Variants in APIP observed in about 807,000 individuals in gnomAD.
APIP encodes the protein methylthioribulose-1-phosphate dehydratase.
APIP carries 32 observed loss-of-function variants against 32.0 expected under a neutral mutation model. The ratio of observed to expected loss-of-function variants is 1.00; its 90% CI spans 0.76 to 1.34. The LOEUF (loss-of-function observed/expected upper bound fraction) is 1.34, where lower values mean the gene tolerates loss of function less well. APIP is among the 40% of genes most tolerant of loss of function. The pLI is 0.00. For missense variants in APIP, 247 were observed against 298.6 expected (o/e 0.83, Z 1.27); for synonymous variants, 92 against 94.8 (o/e 0.97, Z 0.17).
Position 34,898,785 on chromosome 11 carries a change from GGTT to G in APIP, c.58-3678_58-3676del, listed in dbSNP as rs1853325843. Among the ~76,000 whole-genome samples the G allele has an allele frequency of 1.2e-3, 106 of 92,076 alleles. 12 individuals are homozygous for G. The highest frequency in any genetic ancestry group is 2.6e-3 in the African/African-American group (60 of 22,738). 60.4% of individuals were successfully genotyped at this position (92,076 alleles called of 152,430 possible). A position where few individuals can be genotyped will look rare whatever the true frequency, so the allele number is the denominator to read the frequency against. On this transcript the variant is annotated intron_variant, in intron 1 of 6. Coordinates refer to ENST00000395787, the MANE Select transcript of APIP (RefSeq NM_015957.4). ...GCGAGCACATAGTATTTCTTTCTTTGGTTTTTTTTTTTTTTTTTTTTTTTTTTT... is the reference window on the plus strand; with the variant it reads ...GCGAGCACATAGTATTTCTTTCTTTGTTTTTTTTTTTTTTTTTTTTTTTTT...
chr11:34,894,861 C>T (rs1371039479), intron 2 of APIP, 149 bp downstream of exon 2: 1 of 679,476 alleles, frequency 1.5e-6, no homozygotes, highest in African/African-American at 1.8e-5. Flanking sequence ...CATTCAGTTA[C>T]ACAAATGTCC....
intron 3 of APIP, 39 bp from the exon 4 acceptor site, chr11:34,888,908 G>C: frequency 8.4e-7 from 1 of 1,196,848 alleles, no homozygotes; most frequent in Non-Finnish European, 1.1e-6. Flanking sequence ...AAGAAGGCTT[G>C]TAAAATATCA....
intron 1 of APIP, among the ~76,000 whole-genome samples, chr11:34,901,774 T>C (rs72930443): frequency 0.22 from 33,802 of 152,070 alleles, 4,931 homozygotes; most frequent in Non-Finnish European, 0.34. Context: ...GAAGCTAACA[T>C]TAAACTACAA....
intron 1 of APIP, among the ~76,000 whole-genome samples, chr11:34,902,530 A>C (rs1046448665): frequency 3.3e-5 from 5 of 151,850 alleles, no homozygotes; most frequent in Non-Finnish European, 7.4e-5. Context: ...AGAGAGGATT[A>C]AGCCTATTTC....
chr11:34,889,076 C>T (rs908871081), intron 3 of APIP, among the ~76,000 whole-genome samples: 3 of 151,770 alleles, frequency 2.0e-5, no homozygotes, highest in Admixed American at 6.6e-5. Context: ...TATAGTTTCT[C>T]AAAATAATTT....
At chr11:34,909,390 G>C (rs776891734) in intron 1 of APIP, among the ~76,000 whole-genome samples, 6 of 152,050 alleles carry the variant, frequency 3.9e-5, no homozygotes, top group Non-Finnish European at 7.4e-5. Flanking sequence ...ACTGTAAAAA[G>C]TGCCAAGCAG....
intron 1 of APIP, chr11:34,896,818 G>A (rs1297719580): frequency 8.5e-6 from 11 of 1,288,000 alleles, no homozygotes; most frequent in Non-Finnish European, 1.1e-5. Context: ...CAAAACTCTG[G>A]TGACCTTGAA....
intron 1 of APIP, among the ~76,000 whole-genome samples, chr11:34,896,164 A>C (rs1413447811): frequency 1.3e-5 from 2 of 152,206 alleles, no homozygotes; most frequent in Non-Finnish European, 2.9e-5. Flanking sequence ...AGTGTAAATT[A>C]GTTCAACCAT....
chr11:34,907,916 C>T lies in APIP; in HGVS notation c.57+8312G>A, dbSNP rs116940378. ...TAAGGAAATCAGCCTGGCTTGTCTC[C>T]GAGATACTACTCACAGCCAACAATG... On this transcript the variant is annotated intron_variant, in intron 1 of 6. Transcript: ENST00000395787. 2.4e-4 allele frequency among the ~76,000 whole-genome samples: 36 copies of T among 152,122 alleles called. No homozygotes were observed. The East Asian group carries it at 4.6e-3, about 20-fold the overall frequency.
At chr11:34,904,874 AAG>A (rs1241793495) in intron 1 of APIP, among the ~76,000 whole-genome samples, 3 of 152,246 alleles carry the variant, frequency 2.0e-5, no homozygotes, top group African/African-American at 7.2e-5. Flanking sequence ...AATATAAAGA[AAG>A]AGGAGATCTT....
At chr11:34,911,154 G>C (rs1387739975) in intron 1 of APIP, among the ~76,000 whole-genome samples, 1 of 152,130 alleles carries the variant, frequency 6.6e-6, no homozygotes, top group Non-Finnish European at 1.5e-5. Flanking sequence ...AAAGGGTAGG[G>C]GTTGGGCAGA....
Position 34,883,367 on chromosome 11 carries a change from C to A in APIP, c.599G>T (p.Trp200Leu), listed in dbSNP as rs745603170. 4.3e-5 allele frequency: 70 copies of A among 1,611,864 alleles called. No homozygotes were observed. The Admixed American group carries it at 7.5e-4, about 17-fold the overall frequency. Residue 200 changes from tryptophan to leucine, a missense_variant, in exon 6 of 7, where the codon TGG (tryptophan) becomes TTG (leucine). Coordinates refer to ENST00000395787, the MANE Select transcript of APIP (RefSeq NM_015957.4). ...TTTGGCCTTCTCCCATGTTTCCCCC[C>A]ACACATATACTCCATGACGTCTGAC... Reference protein sequence around the residue: ...VLVRRHGVYVWGETWEKAKTM... With the variant: ...VLVRRHGVYVLGETWEKAKTM...
At chr11:34,908,134 T>C (rs1410388327) in intron 1 of APIP, among the ~76,000 whole-genome samples, 1 of 152,136 alleles carries the variant, frequency 6.6e-6, no homozygotes, top group Non-Finnish European at 1.5e-5. Flanking sequence ...ACATACATAA[T>C]ATAAGTAACG....
chr11:34,904,612 G>A lies in APIP; in HGVS notation c.58-9502C>T, dbSNP rs180835581. Among the ~76,000 whole-genome samples the A allele has an allele frequency of 5.3e-5, 8 of 152,296 alleles. No individual in the cohort carries two copies. In the East Asian group the frequency reaches 7.7e-4, roughly 15 times the overall value. On this transcript the variant is annotated intron_variant, in intron 1 of 6. Coordinates refer to ENST00000395787, the MANE Select transcript of APIP (RefSeq NM_015957.4). ...CTCTGGCTCAGTTCCAACAGGAAGC[G>A]ACTAGCAAAAGCCCAACCCCAGGAA... is the stretch of plus-strand genomic sequence containing the variant.
At chr11:34,887,961 A>T (rs1340657420) in intron 5 of APIP, among the ~76,000 whole-genome samples, 2 of 152,176 alleles carry the variant, frequency 1.3e-5, no homozygotes, top group Non-Finnish European at 2.9e-5. Context: ...CTGAAGACAA[A>T]GTGAAGTTGA....
Position 34,882,719 on chromosome 11 carries a change from A to T in APIP, c.727T>A (p.Ter243LysextTer11), listed in dbSNP as rs571137901. The T allele has an allele frequency of 1.4e-4, 216 of 1,572,202 alleles. 2 individuals carry two copies. In the South Asian group the frequency reaches 2.3e-3, roughly 17 times the overall value. The change falls in exon 7 of 7, where the codon TAA becomes AAA. Residue 243 changes from the stop codon to lysine (K), a stop_lost. Coordinates refer to ENST00000395787, the MANE Select transcript of APIP (RefSeq NM_015957.4). ...QLPVGENGIV[*>K] ...ATATAATTAGACTTTCTTTTGGCTT[A>T]GACAATTCCATTTTCTCCAACTGGG...
chr11:34,896,631 T>G, intron 1 of APIP: 1 of 434,724 alleles, frequency 2.3e-6, no homozygotes. Context: ...AGATGATGAG[T>G]TGAGGGGTGC....
In APIP at chr11:34,888,486, GA is replaced by G. The variant is rs551754743; in HGVS notation, c.326-59del. 1,250 of 1,570,974 alleles carry G rather than the reference GA, an allele frequency of 8.0e-4. 11 individuals are homozygous for G. The African/African-American group carries it at 0.015, about 19-fold the overall frequency. On this transcript the variant is annotated intron_variant, in intron 4 of 6. Transcript: ENST00000395787. ...TGAAGACTGAATTATAGCTTTTAAA[GA>G]AAAAAAGTCCATATAGTTATACTTA...
rs186247698 is a variant in APIP at position 34,908,246 on chromosome 11, G to A, written c.57+7982C>T. Among the ~76,000 whole-genome samples, 128 of 152,296 alleles carry A rather than the reference G, an allele frequency of 8.4e-4. 1 individual carries two copies. Among genetic ancestry groups the A allele is most frequent in the African/African-American group, 2.9e-3 (122 of 41,568 alleles). On this transcript the variant is annotated intron_variant, in intron 1 of 6. Transcript: ENST00000395787. The stretch of plus-strand genomic sequence containing the variant: ...ATTTCCATGAACAACAATCACCTGC[G>A]TTAACTGCCAGGATTCCACAACTGA...
Sources: gnomAD v4.1 joint callset for allele counts (sites outside exome capture counted in the v4.1 genomes callset) on GRCh38, gnomAD v4.1.1 for gene constraint, MANE v1.5 for transcripts, NCBI Gene and HGNC (gene_info 2026-07-23, HGNC 2026-07-21) for gene names.